Variants in BRINP2 observed in about 807,000 individuals in gnomAD.
BRINP2 encodes BMP/retinoic acid-inducible neural-specific protein 2.
A neutral mutation model predicts 69.2 loss-of-function variants in BRINP2; 21 were observed. The ratio of observed to expected loss-of-function variants is 0.30; its 90% CI spans 0.22 to 0.44. BRINP2 has a LOEUF of 0.44. Among genes scored for constraint, BRINP2 ranks in the 20% least tolerant of loss-of-function variants. The pLI, the probability that BRINP2 is intolerant of heterozygous loss-of-function variation, is 1.00. For missense variants in BRINP2, 877 were observed against 986.0 expected (o/e 0.89, Z 1.48); for synonymous variants, 380 against 394.1 (o/e 0.96, Z 0.42).
chr1:177,272,704 C>T (rs1651367665), intron 4 of BRINP2, among the ~76,000 whole-genome samples: 1 of 152,128 alleles, frequency 6.6e-6, no homozygotes, highest in Admixed American at 6.5e-5. Context: ...AGTGGCTGCT[C>T]AATAAATACT....
intron 4 of BRINP2, among the ~76,000 whole-genome samples, chr1:177,260,575 T>C (rs1650914473): frequency 6.6e-6 from 1 of 152,164 alleles, no homozygotes; most frequent in Non-Finnish European, 1.5e-5. Flanking sequence ...TTCATTGTTG[T>C]CTTAGTTTAA....
chr1:177,212,996 G>T (rs12074160), intron 1 of BRINP2, among the ~76,000 whole-genome samples: 3 of 152,044 alleles, frequency 2.0e-5, no homozygotes, highest in Non-Finnish European at 2.9e-5. Context: ...TTAATAAATA[G>T]ATATTTTCTA....
At chr1:177,226,217 G>A (rs756003498) in intron 1 of BRINP2, among the ~76,000 whole-genome samples, 2 of 152,238 alleles carry the variant, frequency 1.3e-5, no homozygotes, top group East Asian at 1.9e-4. Context: ...GCACCAAGGG[G>A]TGAAGTAGCT....
intron 1 of BRINP2, among the ~76,000 whole-genome samples, chr1:177,179,509 T>C (rs532466259): frequency 6.6e-6 from 1 of 152,216 alleles, no homozygotes; most frequent in South Asian, 2.1e-4. Context: ...TTCTTTTGGG[T>C]TAAGACATAT....
chr1:177,281,155 C>A lies in BRINP2; in HGVS notation c.1979C>A (p.Thr660Lys). Reference protein sequence around the residue: ...IKSLDDSSNETIYYEPLEMTD... With the variant: ...IKSLDDSSNEKIYYEPLEMTD... ...TCCCTGGATGACAGCTCCAATGAGA[C>A]AATCTACTATGAGCCCCTGGAGATG... Residue 660 changes from threonine to lysine, a missense_variant, in exon 8 of 8, where the codon ACA becomes AAA. Thr to Lys is a moderately conservative substitution (Grantham distance 78). Coordinates refer to ENST00000361539, the MANE Select transcript of BRINP2 (RefSeq NM_021165.4). 1 of 1,614,236 alleles carries A rather than the reference C, an allele frequency of 6.2e-7. No individual in the cohort carries two copies. Among genetic ancestry groups the A allele is most frequent in the Non-Finnish European group, 8.5e-7 (1 of 1,180,042 alleles).
rs1395103451 is a variant in BRINP2 at position 177,188,859 on chromosome 1, T to G, written c.-77+17127T>G. Among the ~76,000 whole-genome samples the G allele has an allele frequency of 2.6e-5, 4 of 152,302 alleles. No homozygotes were observed. In the East Asian group the frequency reaches 7.7e-4, roughly 29 times the overall value. On this transcript the variant is annotated intron_variant, in intron 1 of 7. Coordinates refer to ENST00000361539, the MANE Select transcript of BRINP2 (RefSeq NM_021165.4). Reference sequence around the variant, plus strand: ...CACCTATCTTTCCTGAGAGGTTTTTTTAAAGAAGCAGAAACTGCAGTGTAT... The same window carrying G: ...CACCTATCTTTCCTGAGAGGTTTTTGTAAAGAAGCAGAAACTGCAGTGTAT...
chr1:177,192,917 G>T (rs1648633675), intron 1 of BRINP2, among the ~76,000 whole-genome samples: 2 of 152,300 alleles, frequency 1.3e-5, no homozygotes, highest in South Asian at 4.1e-4. Flanking sequence ...AGCTATCTAA[G>T]ATTGAATAAC....
chr1:177,181,313 G>C (rs1213384150), intron 1 of BRINP2, among the ~76,000 whole-genome samples: 2 of 152,110 alleles, frequency 1.3e-5, no homozygotes, highest in Non-Finnish European at 2.9e-5. Context: ...GTTTTCATTA[G>C]GGTACCCAGG....
chr1:177,201,697 G>A (rs1203893123), intron 1 of BRINP2, among the ~76,000 whole-genome samples: 3 of 152,188 alleles, frequency 2.0e-5, no homozygotes. Flanking sequence ...CTGGGTATCA[G>A]GATGATGCTG....
chr1:177,202,376 T>C (rs1370327755), intron 1 of BRINP2, among the ~76,000 whole-genome samples: 1 of 152,216 alleles, frequency 6.6e-6, no homozygotes, highest in African/African-American at 2.4e-5. Flanking sequence ...GCTTTGAATG[T>C]GTCCCAGAGA....
intron 1 of BRINP2, among the ~76,000 whole-genome samples, chr1:177,222,838 T>C (rs1649577899): frequency 6.6e-6 from 1 of 152,158 alleles, no homozygotes; most frequent in South Asian, 2.1e-4. Flanking sequence ...GAACAGCCGA[T>C]CAGGGGAGCT....
intron 1 of BRINP2, among the ~76,000 whole-genome samples, chr1:177,202,913 G>A (rs1374656335): frequency 6.6e-6 from 1 of 152,212 alleles, no homozygotes; most frequent in Non-Finnish European, 1.5e-5. Context: ...GTGGAAGTCG[G>A]TGTGGCAATT....
At chr1:177,251,605 A>C (rs950901889) in intron 2 of BRINP2, among the ~76,000 whole-genome samples, 26 of 152,176 alleles carry the variant, frequency 1.7e-4, no homozygotes, top group African/African-American at 6.3e-4. Flanking sequence ...ATAGCATAGA[A>C]GGAGGGCCAG....
intron 1 of BRINP2, among the ~76,000 whole-genome samples, chr1:177,192,675 TTA>T (rs1422297216): frequency 6.6e-6 from 1 of 152,184 alleles, no homozygotes; most frequent in Non-Finnish European, 1.5e-5. Flanking sequence ...TAATTTTGGA[TTA>T]TTTACAGTGT....
At chr1:177,261,386 T>G (rs1015258187) in intron 4 of BRINP2, among the ~76,000 whole-genome samples, 1 of 152,182 alleles carries the variant, frequency 6.6e-6, no homozygotes, top group South Asian at 2.1e-4. Context: ...CAGAATATAT[T>G]TTGATGATAG....
chr1:177,275,154 G>T (rs1354949938), intron 5 of BRINP2: 5 of 456,136 alleles, frequency 1.1e-5, no homozygotes, highest in African/African-American at 2.0e-5. Context: ...GCATCCAAAG[G>T]CATGCCTACC....
chr1:177,224,273 C>T (rs1311853918), intron 1 of BRINP2, among the ~76,000 whole-genome samples: 2 of 152,158 alleles, frequency 1.3e-5, no homozygotes, highest in African/African-American at 4.8e-5. Flanking sequence ...ACTTATATGG[C>T]TTGAAAACTT....
chr1:177,273,318 G>A (rs1651391244), intron 4 of BRINP2, among the ~76,000 whole-genome samples, 170 bp from the exon 5 acceptor site: 1 of 152,148 alleles, frequency 6.6e-6, no homozygotes, highest in Admixed American at 6.5e-5. Flanking sequence ...ACTGCCTCAG[G>A]CCAAGGAAGA....
Position 177,281,449 on chromosome 1 carries a change from G to A in BRINP2, c.2273G>A (p.Arg758Lys), listed in dbSNP as rs535026335. The change falls in exon 8 of 8, where the codon AGG becomes AAG. Residue 758 changes from arginine (R) to lysine (K), a missense_variant. Physicochemically the swap from Arg to Lys is conservative, Grantham distance 26 (BLOSUM62 2). Transcript: ENST00000361539. The stretch of plus-strand genomic sequence containing the variant: ...AAGCTGGCCAACAATGAGGTGGGCA[G>A]GATCCAGTCCTCCCTGAGGGCTTTC... ...RLKLANNEVG[R>K]IQSSLRAFNS... 283 of 1,613,920 alleles carry A rather than the reference G, an allele frequency of 1.8e-4. 2 individuals are homozygous for A. The South Asian group carries it at 2.7e-3, about 15-fold the overall frequency.
Sources: allele counts gnomAD v4.1 joint callset (sites outside exome capture counted in the v4.1 genomes callset), GRCh38; gene constraint gnomAD v4.1.1; transcripts MANE v1.5; gene names NCBI Gene and HGNC (gene_info 2026-07-23, HGNC 2026-07-21).